Variants in RBPMS2 observed in about 807,000 individuals in gnomAD.
The protein encoded by RBPMS2 is RNA binding protein, mRNA processing factor 2.
RBPMS2 carries 14 observed loss-of-function variants against 25.7 expected under a neutral mutation model. The ratio of observed to expected loss-of-function variants is 0.55; its 90% CI spans 0.36 to 0.85. The LOEUF is 0.85. RBPMS2 is among the 40% of genes least tolerant of loss of function. RBPMS2 has a pLI of 0.01. For missense variants in RBPMS2, 252 were observed against 283.4 expected, an observed-to-expected ratio of 0.89 and a Z score of 0.80; for synonymous variants, 127 against 115.6, an observed-to-expected ratio of 1.10 and a Z score of -0.63.
intron 1 of RBPMS2, among the ~76,000 whole-genome samples, chr15:64,760,155 G>GA (rs1567068359): frequency 6.6e-6 from 1 of 152,234 alleles, no homozygotes; most frequent in African/African-American, 2.4e-5. Flanking sequence ...CAGGAATAGG[G>GA]AATGGGCTCG....
At chr15:64,751,802 C>T (rs1451888408) in intron 1 of RBPMS2, among the ~76,000 whole-genome samples, 164 bp from the exon 2 acceptor site, 1 of 152,082 alleles carries the variant, frequency 6.6e-6, no homozygotes, top group Non-Finnish European at 1.5e-5. Flanking sequence ...TGTTTCACAG[C>T]ACTCAATTTC....
At chr15:64,759,767 T>C (rs1486456752) in intron 1 of RBPMS2, among the ~76,000 whole-genome samples, 1 of 152,128 alleles carries the variant, frequency 6.6e-6, no homozygotes, top group African/African-American at 2.4e-5. Context: ...CTACTTCCCG[T>C]GTTCAAGCGA....
intron 1 of RBPMS2, among the ~76,000 whole-genome samples, chr15:64,768,251 G>A (rs1374205564): frequency 5.3e-5 from 8 of 152,182 alleles, no homozygotes; most frequent in Non-Finnish European, 1.0e-4. Context: ...ACTCACATCT[G>A]TAACCCCAGC....
rs143496102 is a variant in RBPMS2, at chr15:64,757,929, T to C, written c.88-6291A>G. 5.7e-4 allele frequency among the ~76,000 whole-genome samples: 86 copies of C among 152,158 alleles called. No homozygotes were observed. In the East Asian group the frequency reaches 7.0e-3, roughly 12 times the overall value. On this transcript the variant is annotated intron_variant, in intron 1 of 7. Transcript: ENST00000300069. ...AATTCAAGGCTGCAGTGAGTCATGA[T>C]TGCACCACTTGAATTCCAGCCTGGG...
intron 1 of RBPMS2, among the ~76,000 whole-genome samples, chr15:64,770,529 G>A (rs2083885629): frequency 6.6e-6 from 1 of 152,128 alleles, no homozygotes; most frequent in Non-Finnish European, 1.5e-5. Flanking sequence ...AGGCAGAGGG[G>A]ACACATCCAC....
At chr15:64,755,892 G>A (rs925421137) in intron 1 of RBPMS2, among the ~76,000 whole-genome samples, 3 of 114,446 alleles carry the variant, frequency 2.6e-5, no homozygotes, top group East Asian at 2.9e-4. Flanking sequence ...CTGCCCCCTC[G>A]GCTCACCCCT....
intron 1 of RBPMS2, among the ~76,000 whole-genome samples, chr15:64,752,273 G>A: frequency 6.6e-6 from 1 of 152,076 alleles, no homozygotes; most frequent in Non-Finnish European, 1.5e-5. Flanking sequence ...AAAAGTATCT[G>A]TTTTCTAGAT....
rs576775147 is a variant in RBPMS2 at position 64,746,073 on chromosome 15, G to C, written c.567+2346C>G. Among the ~76,000 whole-genome samples, 63 of 152,282 alleles carry C rather than the reference G, an allele frequency of 4.1e-4. 2 individuals are homozygous for C. In the East Asian group the frequency reaches 0.012, roughly 29 times the overall value. Reference sequence around the variant, plus strand: ...ATCTCTGGGGCAGCACTGTCAGGGGGCAAGCAGTGGGGCTGTTGGAAGGAA... The same window carrying C: ...ATCTCTGGGGCAGCACTGTCAGGGGCCAAGCAGTGGGGCTGTTGGAAGGAA... On this transcript the variant is annotated intron_variant, in intron 6 of 7. Transcript: ENST00000300069.
chr15:64,751,178 C>T (rs540179095), intron 2 of RBPMS2, among the ~76,000 whole-genome samples: 3 of 152,084 alleles, frequency 2.0e-5, no homozygotes, highest in African/African-American at 7.2e-5. Flanking sequence ...ACTGAAAACA[C>T]AAATATTAGC....
At chr15:64,748,390 T>C in intron 6 of RBPMS2, 29 bp downstream of exon 6, 1 of 1,607,816 alleles carries the variant, frequency 6.2e-7, no homozygotes, top group Admixed American at 1.7e-5. Context: ...GCCCTTGTTC[T>C]TCGCCCTCCC....
chr15:64,743,644 G>C (rs1019216959), intron 6 of RBPMS2, among the ~76,000 whole-genome samples: 1 of 33,378 alleles, frequency 3.0e-5, no homozygotes, highest in African/African-American at 4.8e-5. Flanking sequence ...GTGCCCAGGG[G>C]GGGGGGGGCT....
chr15:64,766,589 A>C (rs1189033993), intron 1 of RBPMS2, among the ~76,000 whole-genome samples: 1 of 151,322 alleles, frequency 6.6e-6, no homozygotes, highest in African/African-American at 2.4e-5. Context: ...TGCATGACGC[A>C]ATCTCAGCTC....
intron 1 of RBPMS2, among the ~76,000 whole-genome samples, chr15:64,769,100 C>CAAAAAAAA (rs1167404963): frequency 3.6e-5 from 1 of 27,682 alleles, no homozygotes; most frequent in Non-Finnish European, 7.6e-5. Flanking sequence ...GACTTCGTCT[C>CAAAAAAAA]AAAAAAAAAA....
chr15:64,771,982 T>C (rs996973438), intron 1 of RBPMS2, among the ~76,000 whole-genome samples: 5 of 152,152 alleles, frequency 3.3e-5, no homozygotes, highest in Admixed American at 3.3e-4. Context: ...AAATAACCTA[T>C]GCACATTTTC....
intron 1 of RBPMS2, among the ~76,000 whole-genome samples, chr15:64,755,130 G>T (rs1030861044): frequency 1.3e-5 from 2 of 152,152 alleles, no homozygotes; most frequent in African/African-American, 4.8e-5. Context: ...GTTTCCGCTT[G>T]GGGTAGGGTG....
intron 5 of RBPMS2, 29 bp downstream of exon 5, chr15:64,748,971 A>G (rs1488554145): frequency 6.2e-7 from 1 of 1,612,382 alleles, no homozygotes; most frequent in East Asian, 2.2e-5. Context: ...CAACTCCATG[A>G]GGGCCTGCCA....
chr15:64,750,272 T>C, intron 3 of RBPMS2, 71 bp downstream of exon 3: 1 of 1,341,818 alleles, frequency 7.5e-7, no homozygotes. Flanking sequence ...AGGGAAGGGT[T>C]AACGGGCCCT....
chr15:64,762,878 G>A (rs374337024), intron 1 of RBPMS2, among the ~76,000 whole-genome samples: 1 of 152,180 alleles, frequency 6.6e-6, no homozygotes, highest in Non-Finnish European at 1.5e-5. Flanking sequence ...GCAAAGAAGT[G>A]GTGTGAACAG....
rs777416076 is a variant in RBPMS2, at chr15:64,749,005, T to A, written c.413A>T (p.Asp138Val). The change falls in exon 5 of 8, where the codon GAC (aspartate) becomes GTC (valine). Residue 138 changes from aspartate to valine, a missense_variant. Transcript: ENST00000300069. ...CAGCTCAGAGTGCCACTCACAGGGGTCCCGTGCGATGAAGTGTGCTCCTAG... is the reference window on the plus strand; with the variant it reads ...CAGCTCAGAGTGCCACTCACAGGGGACCCGTGCGATGAAGTGTGCTCCTAG... ...PALGAHFIAR[D>V]PYDLMGAALI... The A allele has an allele frequency of 6.2e-7, 1 of 1,613,936 alleles. No individual in the cohort carries two copies. The highest frequency in any genetic ancestry group is 8.5e-7 in the Non-Finnish European group (1 of 1,179,972).
Sources: gnomAD v4.1 joint callset for allele counts (sites outside exome capture counted in the v4.1 genomes callset) on GRCh38, gnomAD v4.1.1 for gene constraint, MANE v1.5 for transcripts, NCBI Gene and HGNC (gene_info 2026-07-23, HGNC 2026-07-21) for gene names.